The following GAREM1 variants were observed in gnomAD, a reference collection of about 807,000 sequenced individuals.
GAREM1 encodes the protein GRB2 associated regulator of MAPK1 subtype 1, also known as GRB2-associated and regulator of MAPK protein 1.
Under a neutral mutation model 71.3 loss-of-function variants are expected in GAREM1, and 26 were observed. The ratio of observed to expected loss-of-function variants is 0.36; its 90% CI spans 0.27 to 0.51. The LOEUF (loss-of-function observed/expected upper bound fraction) is 0.51, where lower values mean the gene tolerates loss of function less well. GAREM1 is among the 20% of genes least tolerant of loss of function. GAREM1 has a pLI of 0.95. For synonymous variants in GAREM1, 440 were observed against 433.2 expected, an observed-to-expected ratio of 1.02 and a Z score of -0.20; for missense variants, 1,026 against 1,103.1, an observed-to-expected ratio of 0.93 and a Z score of 0.99.
At chr18:32,408,288 C>T (rs17743907) in intron 1 of GAREM1, among the ~76,000 whole-genome samples, 8,349 of 131,192 alleles carry the variant, frequency 0.064, 362 homozygotes, top group East Asian at 0.14. Context: ...AAACTCCTTA[C>T]TTGTGTCTAT....
intron 1 of GAREM1, among the ~76,000 whole-genome samples, chr18:32,461,618 C>T (rs550643696): frequency 2.0e-5 from 3 of 152,200 alleles, no homozygotes; most frequent in South Asian, 2.1e-4. Flanking sequence ...TCACTTGAGC[C>T]TGGGAGTTCA....
chr18:32,411,821 G>T (rs1240186777), intron 1 of GAREM1, among the ~76,000 whole-genome samples: 2 of 151,530 alleles, frequency 1.3e-5, no homozygotes, highest in Non-Finnish European at 2.9e-5. Context: ...ACTTCACACT[G>T]TTGGGGAAAT....
intron 1 of GAREM1, among the ~76,000 whole-genome samples, chr18:32,421,130 A>C (rs1233257140): frequency 6.6e-6 from 1 of 152,244 alleles, no homozygotes; most frequent in Non-Finnish European, 1.5e-5. Context: ...CATAATTGTC[A>C]AGCACAGGCC....
At chr18:32,451,604 C>A (rs1039953530) in intron 1 of GAREM1, among the ~76,000 whole-genome samples, 4 of 152,206 alleles carry the variant, frequency 2.6e-5, no homozygotes, top group Non-Finnish European at 4.4e-5. Flanking sequence ...CCACTACATT[C>A]CCACAAATCT....
In GAREM1 at chr18:32,470,274, C is replaced by G. The variant is rs539186992; in HGVS notation, c.121+34G>C. 3.4e-6 allele frequency: 5 copies of G among 1,469,018 alleles called. No individual in the cohort carries two copies. The highest frequency in any genetic ancestry group is 4.5e-6 in the Non-Finnish European group (5 of 1,105,734). 91.0% of individuals were successfully genotyped at this position (1,469,018 alleles called of 1,614,324 possible). ...ACACCCGCGTGGAGACGGCTGTCCT[C>G]GCCCGTCTGCCCCGCGCCCCAGCTG... On this transcript the variant is annotated intron_variant, in intron 1 of 5. Coordinates refer to ENST00000269209, the MANE Select transcript of GAREM1 (RefSeq NM_001242409.2). The surrounding 1 kb of genome is among the most constrained non-coding windows in gnomAD (Gnocchi z 4.4).
At chr18:32,441,937 C>T (rs996294530) in intron 1 of GAREM1, among the ~76,000 whole-genome samples, 5 of 152,300 alleles carry the variant, frequency 3.3e-5, no homozygotes, top group Middle Eastern at 3.4e-3. Context: ...CCCCACAATA[C>T]AACACCGTGC....
chr18:32,343,885 C>A (rs999544156), intron 2 of GAREM1, among the ~76,000 whole-genome samples: 1 of 152,078 alleles, frequency 6.6e-6, no homozygotes, highest in Non-Finnish European at 1.5e-5. Context: ...CAGGCACCCC[C>A]CACTCCCAGC....
chr18:32,328,761 G>C (rs975832892), intron 2 of GAREM1, among the ~76,000 whole-genome samples: 4 of 152,112 alleles, frequency 2.6e-5, no homozygotes, highest in Non-Finnish European at 5.9e-5. Flanking sequence ...TACCACTTAG[G>C]GGCAGGGAAG....
At chr18:32,439,218 G>A (rs1399237055) in intron 1 of GAREM1, among the ~76,000 whole-genome samples, 1 of 152,066 alleles carries the variant, frequency 6.6e-6, no homozygotes, top group Admixed American at 6.6e-5. Context: ...GAATTCTAAG[G>A]CCCACTTTCT....
intron 2 of GAREM1, among the ~76,000 whole-genome samples, chr18:32,380,907 T>C (rs558775299): frequency 2.6e-4 from 40 of 152,202 alleles, no homozygotes; most frequent in African/African-American, 8.4e-4. Flanking sequence ...CAAGTCAACC[T>C]ACCAAACACA....
chr18:32,276,474 T>C (rs1260367138), intron 4 of GAREM1, among the ~76,000 whole-genome samples: 6 of 152,162 alleles, frequency 3.9e-5, no homozygotes, highest in African/African-American at 1.4e-4. Context: ...GAAACAAACA[T>C]AATTAAAATA....
intron 1 of GAREM1, among the ~76,000 whole-genome samples, chr18:32,418,219 C>T (rs974027207): frequency 6.6e-6 from 1 of 152,050 alleles, no homozygotes; most frequent in African/African-American, 2.4e-5. Context: ...ATAGAGCAAC[C>T]CGTGTTCTTT....
chr18:32,462,523 T>C (rs1349497380), intron 1 of GAREM1, among the ~76,000 whole-genome samples: 1 of 152,244 alleles, frequency 6.6e-6, no homozygotes, highest in African/African-American at 2.4e-5. Context: ...CCTTATCAGA[T>C]ACATAGTTTG....
chr18:32,360,608 AG>A (rs2047856791), intron 2 of GAREM1, among the ~76,000 whole-genome samples: 1 of 152,092 alleles, frequency 6.6e-6, no homozygotes, highest in African/African-American at 2.4e-5. Flanking sequence ...TCCTGCCTAT[AG>A]GAGTTATGCC....
intron 4 of GAREM1, among the ~76,000 whole-genome samples, chr18:32,275,389 C>A (rs1005293510): frequency 9.2e-5 from 14 of 152,198 alleles, no homozygotes; most frequent in African/African-American, 3.4e-4. Flanking sequence ...AACCTCCAAC[C>A]CTCACGCTCA....
Position 32,363,981 on chromosome 18 carries a change from T to C in GAREM1, c.262+28914A>G, listed in dbSNP as rs75798126. ...AAATACATATACATACACAAATACA[T>C]AAATACATATATACATATATATATA... On this transcript the variant is annotated intron_variant, in intron 2 of 5. Transcript: ENST00000269209. Among the ~76,000 whole-genome samples, 48 of 81,280 alleles carry C rather than the reference T, an allele frequency of 5.9e-4. No individual in the cohort carries two copies. The East Asian group carries it at 0.014, about 23-fold the overall frequency. The allele number at this position is 81,280 out of a possible 152,430, so 53.3% of individuals were successfully genotyped here. A position where few individuals can be genotyped will look rare whatever the true frequency, so the allele number is the denominator to read the frequency against.
At chr18:32,434,307 C>T (rs910967742) in intron 1 of GAREM1, among the ~76,000 whole-genome samples, 1 of 152,058 alleles carries the variant, frequency 6.6e-6, no homozygotes, top group Non-Finnish European at 1.5e-5. Flanking sequence ...TTTGCGTGGA[C>T]ATTTGTTATT....
At chr18:32,304,809 C>A (rs1423345448) in intron 3 of GAREM1, among the ~76,000 whole-genome samples, 1 of 152,112 alleles carries the variant, frequency 6.6e-6, no homozygotes, top group Non-Finnish European at 1.5e-5. Flanking sequence ...GAGTTCAGAG[C>A]CTGAGCCACT....
In GAREM1 at chr18:32,415,856, C is replaced by T. The variant is rs1404737972; in HGVS notation, c.122-22821G>A. 2.0e-5 allele frequency among the ~76,000 whole-genome samples: 3 copies of T among 152,076 alleles called. No individual in the cohort carries two copies. In the East Asian group the frequency reaches 5.8e-4, roughly 29 times the overall value. ...GTCACCACTGTTATTCAACATAGTACTGGAAGTCCTAACTAGAACAAGCAC... is the reference window on the plus strand; with the variant it reads ...GTCACCACTGTTATTCAACATAGTATTGGAAGTCCTAACTAGAACAAGCAC... On this transcript the variant is annotated intron_variant, in intron 1 of 5. Transcript: ENST00000269209.
Sources: gnomAD v4.1 joint callset for allele counts (sites outside exome capture counted in the v4.1 genomes callset) on GRCh38, gnomAD v4.1.1 for gene constraint, Gnocchi (gnomAD v3.1) non-coding constraint, MANE v1.5 for transcripts, NCBI Gene and HGNC (gene_info 2026-07-23, HGNC 2026-07-21) for gene names.